Variants in ZNF467 observed in about 807,000 individuals in gnomAD.
The protein encoded by ZNF467 is zinc finger protein EZI.
A neutral mutation model predicts 47.8 loss-of-function variants in ZNF467; 51 were observed. The ratio of observed to expected loss-of-function variants is 1.07; its 90% CI spans 0.85 to 1.35. The LOEUF (loss-of-function observed/expected upper bound fraction) is 1.35, where lower values mean the gene tolerates loss of function less well. Ranked by LOEUF, ZNF467 falls within the 40% of genes most tolerant of loss-of-function variation. ZNF467 has a pLI of 0.00. For missense variants in ZNF467, 992 were observed against 858.1 expected (o/e 1.16, Z -1.95); for synonymous variants, 416 against 372.9 (o/e 1.12, Z -1.33).
chr7:149,775,867 T>C (rs1467237893), upstream of ZNF467, among the ~76,000 whole-genome samples: 2 of 151,902 alleles, frequency 1.3e-5, no homozygotes, highest in African/African-American at 4.9e-5. Flanking sequence ...GCTGGTGCCC[T>C]GGGGCATGAG....
intron 1 of ZNF467, among the ~76,000 whole-genome samples, 193 bp from the exon 2 acceptor site, chr7:149,771,267 G>A (rs181658247): frequency 6.6e-6 from 1 of 152,184 alleles, no homozygotes; most frequent in Non-Finnish European, 1.5e-5. Context: ...GCCCAAGAAG[G>A]CCTTGAAACG....
chr7:149,766,377 A>T, intron 4 of ZNF467, 138 bp from the exon 5 acceptor site: 1 of 1,387,054 alleles, frequency 7.2e-7, no homozygotes, highest in Non-Finnish European at 9.4e-7. Flanking sequence ...GAGTGACCAA[A>T]TCCGCAGCTC....
rs1264664516 is a variant in ZNF467, at chr7:149,764,573, G to A, written c.*141C>T. ...GAGCTGGGTATGCTGTGCGGACGCA[G>A]ACACTGCGGGAAGGAAACAGGTGTC... is the stretch of plus-strand genomic sequence containing the variant. On this transcript the variant is annotated 3_prime_UTR_variant, in exon 5 of 5. Transcript: ENST00000302017. The A allele has an allele frequency of 1.4e-6, 2 of 1,459,196 alleles. No homozygotes were observed. Among genetic ancestry groups the A allele is most frequent in the East Asian group, 2.5e-5 (1 of 40,530 alleles). The allele number at this position is 1,459,196 out of a possible 1,614,324, so 90.4% of individuals were successfully genotyped here.
chr7:149,767,301 C>T (rs557677523), intron 4 of ZNF467, among the ~76,000 whole-genome samples: 5 of 152,380 alleles, frequency 3.3e-5, no homozygotes, highest in South Asian at 4.1e-4. Context: ...GCAAGGCCCA[C>T]GAACGTGTTC....
intron 1 of ZNF467, 69 bp downstream of exon 1, chr7:149,773,039 G>T (rs1799477574): frequency 6.7e-6 from 1 of 149,282 alleles, no homozygotes; most frequent in Non-Finnish European, 1.5e-5. Flanking sequence ...GGAGCCGGCC[G>T]TGACCCAACC....
In ZNF467 at chr7:149,767,568, T is replaced by C. The variant is rs148630979; in HGVS notation, c.263-1329A>G. Among the ~76,000 whole-genome samples the C allele has an allele frequency of 8.0e-4, 122 of 152,348 alleles. 1 individual carries two copies. Among genetic ancestry groups the C allele is most frequent in the African/African-American group, 2.9e-3 (119 of 41,574 alleles). On this transcript the variant is annotated intron_variant, in intron 4 of 4. Transcript: ENST00000302017. Reference sequence around the variant, plus strand: ...ATAGCTCCTATTTATTTATTTTTAATTGAGTCAGGGTCTTGCTCTGTCTCC... The same window carrying C: ...ATAGCTCCTATTTATTTATTTTTAACTGAGTCAGGGTCTTGCTCTGTCTCC...
In ZNF467 at chr7:149,765,812, A is replaced by G; in HGVS notation, c.690T>C (p.His230=). ...TGTGCGTGCGCAGGTGGCGGGTCAG[A>G]TGGGCCTTCTTGCTGAAGCGCTTGT... ...ECDKRFSKKA[H]LTRHLRTHTG... is the part of the protein sequence containing the mutation. The change falls in exon 5 of 5, where the codon CAT becomes CAC. Residue 230 remains histidine (H), a synonymous_variant. Coordinates refer to ENST00000302017, the MANE Select transcript of ZNF467 (RefSeq NM_207336.3). 6.2e-7 allele frequency: 1 copy of G among 1,610,198 alleles called. No individual in the cohort carries two copies. Among genetic ancestry groups the G allele is most frequent in the Non-Finnish European group, 8.5e-7 (1 of 1,178,604 alleles).
rs371781113 is a variant in ZNF467, at chr7:149,770,524, G to T, written c.67C>A (p.Gln23Lys). 1.9e-6 allele frequency: 3 copies of T among 1,613,546 alleles called. No individual in the cohort carries two copies. Among genetic ancestry groups the T allele is most frequent in the Non-Finnish European group, 2.5e-6 (3 of 1,179,758 alleles). Residue 23 changes from glutamine to lysine, a missense_variant, in exon 3 of 5, where the codon CAA (glutamine) becomes AAA (lysine). Gln to Lys is a moderately conservative substitution (Grantham distance 53). Coordinates refer to ENST00000302017, the MANE Select transcript of ZNF467 (RefSeq NM_207336.3). ...TGGGATCCTTCCCTGGGCTCACTTT[G>T]GGGGGCCATCTCTGGCTGTCCCACA... Reference protein sequence around the residue: ...FSVGQPEMAPQSEPREGSHNA... With the variant: ...FSVGQPEMAPKSEPREGSHNA...
At chr7:149,770,946 C>A in intron 2 of ZNF467, 53 bp downstream of exon 2, 2 of 1,612,562 alleles carry the variant, frequency 1.2e-6, no homozygotes, top group Non-Finnish European at 1.7e-6. Context: ...GTTGTAGATG[C>A]CCCTGAATCC....
Position 149,764,522 on chromosome 7 carries a change from C to T in ZNF467, c.*192G>A. On this transcript the variant is annotated 3_prime_UTR_variant, in exon 5 of 5. Transcript: ENST00000302017. Reference sequence around the variant, plus strand: ...AGCTCAGCGGTTCCCAGCAAGGGTTCGCTGAGTCTCTGTCCTAGGAGGTCC... The same window carrying T: ...AGCTCAGCGGTTCCCAGCAAGGGTTTGCTGAGTCTCTGTCCTAGGAGGTCC... 2 of 1,045,072 alleles carry T rather than the reference C, an allele frequency of 1.9e-6. No individual in the cohort carries two copies. The highest frequency in any genetic ancestry group is 1.4e-5 in the South Asian group (1 of 74,054). 64.7% of individuals were successfully genotyped at this position (1,045,072 alleles called of 1,614,324 possible).
Position 149,765,547 on chromosome 7 carries a change from G to A in ZNF467, c.955C>T (p.Gln319Ter), listed in dbSNP as rs1418268628. 1.9e-6 allele frequency: 3 copies of A among 1,582,354 alleles called. No homozygotes were observed. The highest frequency in any genetic ancestry group is 1.8e-5 in the Admixed American group (1 of 54,330). ...FTHKQHLVRHQRVHQTAGPAR... is the reference protein window; with the variant it reads ...FTHKQHLVRH ...GGGCCGGCCGTCTGGTGCACCCTTT[G>A]GTGCCGCACCAAGTGCTGCTTGTGC... is the stretch of plus-strand genomic sequence containing the variant. The change falls in exon 5 of 5, where the codon CAA becomes TAA. Residue 319 changes from glutamine to a stop codon, truncating the protein, a stop_gained. Coordinates refer to ENST00000302017, the MANE Select transcript of ZNF467 (RefSeq NM_207336.3). LOFTEE classifies it high-confidence loss of function.
upstream of ZNF467, among the ~76,000 whole-genome samples, chr7:149,774,056 G>A (rs1295081520): frequency 6.6e-6 from 1 of 152,002 alleles, no homozygotes; most frequent in East Asian, 1.9e-4. This position sits in a 1 kb window ranked among gnomAD's most constrained non-coding sequence, Gnocchi z 5.7. Flanking sequence ...CTGGGACGGG[G>A]CTGGGCGGAG....
At chr7:149,776,169 C>A, upstream of ZNF467, 1 of 1,191,382 alleles carries the variant, frequency 8.4e-7, no homozygotes, top group Admixed American at 2.5e-5. Flanking sequence ...GGGCATCAGA[C>A]TCCGTGCCCC....
In ZNF467 at chr7:149,764,347, T is replaced by C; in HGVS notation, c.*367A>G. The C allele has an allele frequency of 1.9e-6, 1 of 528,936 alleles. No individual in the cohort carries two copies. Among genetic ancestry groups the C allele is most frequent in the South Asian group, 2.7e-5 (1 of 36,884 alleles). 32.8% of individuals were successfully genotyped at this position (528,936 alleles called of 1,614,324 possible). ...TCAGGTGTTCCCTCCCCCAATTCAT[T>C]TAGCAGCCCCAGAACTTTCCGATTT... is the stretch of plus-strand genomic sequence containing the variant. On this transcript the variant is annotated 3_prime_UTR_variant, in exon 5 of 5. Coordinates refer to ENST00000302017, the MANE Select transcript of ZNF467 (RefSeq NM_207336.3).
At chr7:149,773,833 C>G (rs963224405), upstream of ZNF467, among the ~76,000 whole-genome samples, 2 of 152,124 alleles carry the variant, frequency 1.3e-5, no homozygotes, top group Non-Finnish European at 2.9e-5. Flanking sequence ...CACCCGGATT[C>G]CACCCCGATC....
At position 149,764,644 on chromosome 7, in the gene ZNF467, A is replaced by AC; in HGVS notation, c.*69dup. The AC allele has an allele frequency of 6.4e-7, 1 of 1,554,888 alleles. No individual in the cohort carries two copies. Among genetic ancestry groups the AC allele is most frequent in the East Asian group, 2.4e-5 (1 of 41,350 alleles). On this transcript the variant is annotated 3_prime_UTR_variant, in exon 5 of 5. Transcript: ENST00000302017. Reference sequence around the variant, plus strand: ...GGCAGCAGCCCAGGTCGCCTTGCTCACCCCAGGCGGTCTCATGGCACGGGC... The same window carrying AC: ...GGCAGCAGCCCAGGTCGCCTTGCTCACCCCCAGGCGGTCTCATGGCACGGGC...
Position 149,771,091 on chromosome 7 carries a change from G to T in ZNF467, c.-42-17C>A, listed in dbSNP as rs1799391641. 6.2e-7 allele frequency: 1 copy of T among 1,610,660 alleles called. No homozygotes were observed. Among genetic ancestry groups the T allele is most frequent in the Admixed American group, 1.7e-5 (1 of 59,970 alleles). ...CCACAGAACCTATGGAGAAAAGACA[G>T]CCTTGTTCAGATTTTTCCCACGCCA... On this transcript the variant is annotated splice_polypyrimidine_tract_variant and intron_variant, in intron 1 of 4. Transcript: ENST00000302017.
intron 1 of ZNF467, among the ~76,000 whole-genome samples, chr7:149,771,386 T>TG (rs1201998130): frequency 6.6e-6 from 1 of 152,038 alleles, no homozygotes; most frequent in African/African-American, 2.4e-5. Flanking sequence ...CGTCCTTGCC[T>TG]GGGAAAGTGC....
In ZNF467 at chr7:149,769,619, A is replaced by T. The variant is rs1433907721; in HGVS notation, c.152-419T>A. Among the ~76,000 whole-genome samples, 1 of 152,206 alleles carries T rather than the reference A, an allele frequency of 6.6e-6. No individual in the cohort carries two copies. Among genetic ancestry groups the T allele is most frequent in the African/African-American group, 2.4e-5 (1 of 41,450 alleles). ...CAAAAGCCAGGCACATTCCTGCCTT[A>T]GTGCTCTGTCCTGGCTGTACTCCTG... On this transcript the variant is annotated intron_variant, in intron 3 of 4. Coordinates refer to ENST00000302017, the MANE Select transcript of ZNF467 (RefSeq NM_207336.3). The surrounding 1 kb of genome is among the most constrained non-coding windows in gnomAD (Gnocchi z 5.3).
Sources: gnomAD v4.1 joint callset for allele counts (sites outside exome capture counted in the v4.1 genomes callset) on GRCh38, gnomAD v4.1.1 for gene constraint, Gnocchi (gnomAD v3.1) non-coding constraint, MANE v1.5 for transcripts, NCBI Gene and HGNC (gene_info 2026-07-23, HGNC 2026-07-21) for gene names.